Variants in ZNF536 observed in about 807,000 individuals in gnomAD.
ZNF536 encodes zinc finger protein 536.
Under a neutral mutation model 84.5 loss-of-function variants are expected in ZNF536, and 13 were observed. The observed-to-expected ratio is 0.15, with a 90% CI of 0.10 to 0.24. The LOEUF (loss-of-function observed/expected upper bound fraction) is 0.24, where lower values mean the gene tolerates loss of function less well. ZNF536 is among the 10% of genes least tolerant of loss of function. The probability of loss-of-function intolerance (pLI) is 1.00; values close to 1 mark genes in which losing one functional copy is unlikely to be tolerated. For synonymous variants in ZNF536, 811 were observed against 742.5 expected (o/e 1.09, Z -1.50); for missense variants, 1,536 against 1,747.5 (o/e 0.88, Z 2.16).
intron 1 of ZNF536, among the ~76,000 whole-genome samples, chr19:30,400,185 C>A (rs2049990735): frequency 6.6e-6 from 1 of 151,458 alleles, no homozygotes; most frequent in African/African-American, 2.4e-5. Context: ...TTTCTGTGAA[C>A]AATGGCATAC....
intron 1 of ZNF536, among the ~76,000 whole-genome samples, chr19:30,614,452 G>A (rs907881571): frequency 6.6e-6 from 1 of 151,656 alleles, no homozygotes; most frequent in African/African-American, 2.4e-5. Flanking sequence ...AGTGGGGACT[G>A]GGCGGGGGCG....
intron 1 of ZNF536, among the ~76,000 whole-genome samples, chr19:30,680,064 C>G (rs2050904526): frequency 6.6e-6 from 1 of 151,912 alleles, no homozygotes; most frequent in African/African-American, 2.4e-5. Context: ...GTGTGCTGTG[C>G]CCAAAGAGGG....
intron 2 of ZNF536, among the ~76,000 whole-genome samples, chr19:30,502,159 G>T (rs1183545211): frequency 2.0e-5 from 3 of 152,220 alleles, no homozygotes; most frequent in Non-Finnish European, 4.4e-5. Flanking sequence ...ATCAGTCCTA[G>T]GTGTTATGTC....
intron 2 of ZNF536, among the ~76,000 whole-genome samples, chr19:30,497,387 G>C (rs996636380): frequency 6.6e-6 from 1 of 152,214 alleles, no homozygotes; most frequent in African/African-American, 2.4e-5. Context: ...CGCATCCAGT[G>C]TAGATGAGAA....
chr19:30,658,399 C>G (rs2049997751), intron 1 of ZNF536, among the ~76,000 whole-genome samples: 1 of 152,162 alleles, frequency 6.6e-6, no homozygotes, highest in Admixed American at 6.5e-5. Context: ...GCCCAACCTT[C>G]AAGCTCATCT....
intron 1 of ZNF536, among the ~76,000 whole-genome samples, chr19:30,703,179 C>T (rs750583314): frequency 2.6e-5 from 4 of 152,224 alleles, no homozygotes; most frequent in South Asian, 2.1e-4. Flanking sequence ...CAGGGAGGAT[C>T]GAGCAAAGGT....
At chr19:30,657,097 A>G (rs1417247392) in intron 1 of ZNF536, among the ~76,000 whole-genome samples, 1 of 152,064 alleles carries the variant, frequency 6.6e-6, no homozygotes, top group Non-Finnish European at 1.5e-5. Flanking sequence ...ATACACTCAA[A>G]CTATGTCCCT....
At chr19:30,643,876 CT>C in intron 1 of ZNF536, among the ~76,000 whole-genome samples, 1 of 152,234 alleles carries the variant, frequency 6.6e-6, no homozygotes, top group African/African-American at 2.4e-5. Flanking sequence ...AAAAAGATTT[CT>C]TTGCTTTAGA....
chr19:30,693,049 A>T (rs28444457), intron 1 of ZNF536, among the ~76,000 whole-genome samples: 111,441 of 148,998 alleles, frequency 0.75, 42,647 homozygotes, highest in African/African-American at 0.85. Context: ...AGAGAGAGAG[A>T]GTGTGTGTAT....
intron 1 of ZNF536, among the ~76,000 whole-genome samples, chr19:30,582,254 C>T (rs917158171): frequency 6.6e-6 from 1 of 152,106 alleles, no homozygotes; most frequent in Non-Finnish European, 1.5e-5. Context: ...TATAGGGTGC[C>T]TACTGCCAAG....
intron 1 of ZNF536, among the ~76,000 whole-genome samples, chr19:30,666,557 A>AG (rs1431280826): frequency 6.6e-6 from 1 of 151,880 alleles, no homozygotes; most frequent in Non-Finnish European, 1.5e-5. Flanking sequence ...AGGCTTTGAG[A>AG]GGGGGCTTTC....
chr19:30,628,174 C>G (rs2048756314), intron 1 of ZNF536, among the ~76,000 whole-genome samples: 1 of 152,206 alleles, frequency 6.6e-6, no homozygotes, highest in Non-Finnish European at 1.5e-5. Flanking sequence ...ATGAAATGAT[C>G]CGAGCTGGCT....
chr19:30,506,670 C>A (rs972335911), intron 2 of ZNF536, among the ~76,000 whole-genome samples: 5 of 152,188 alleles, frequency 3.3e-5, no homozygotes, highest in African/African-American at 1.2e-4. Flanking sequence ...ATAAACCATC[C>A]TGCAGAGGAG....
intron 1 of ZNF536, among the ~76,000 whole-genome samples, chr19:30,279,718 AG>A (rs1442370899): frequency 1.3e-5 from 2 of 152,150 alleles, no homozygotes; most frequent in Non-Finnish European, 2.9e-5. Context: ...CTCTTGGTAG[AG>A]GGGGTTCCGA....
At chr19:30,279,554 G>A (rs963575952) in intron 1 of ZNF536, among the ~76,000 whole-genome samples, 3 of 152,298 alleles carry the variant, frequency 2.0e-5, no homozygotes, top group East Asian at 1.9e-4. Context: ...GAGGAGCTGC[G>A]GTTTTTTGGT....
chr19:30,434,732 G>A (rs1177272369), intron 1 of ZNF536, among the ~76,000 whole-genome samples: 1 of 151,584 alleles, frequency 6.6e-6, no homozygotes, highest in Non-Finnish European at 1.5e-5. Flanking sequence ...TGGTGGCCAT[G>A]ATAGTGATGA....
intron 4 of ZNF536, among the ~76,000 whole-genome samples, chr19:30,550,987 G>A (rs1012172630): frequency 6.6e-6 from 1 of 151,418 alleles, no homozygotes. Context: ...TAAAAGAAGG[G>A]AAAAAAGCGT....
chr19:30,246,590 C>T (rs936595057), intron 1 of ZNF536, among the ~76,000 whole-genome samples: 15 of 152,190 alleles, frequency 9.9e-5, no homozygotes, highest in African/African-American at 3.6e-4. Context: ...CCCCACCCCA[C>T]AAGAGGTCTG....
At chr19:30,456,955 T>C (rs1042510451) in intron 2 of ZNF536, among the ~76,000 whole-genome samples, 3 of 151,466 alleles carry the variant, frequency 2.0e-5, no homozygotes, top group African/African-American at 4.9e-5. Flanking sequence ...GGCAGGAGAA[T>C]TGCTTGAATC....
Sources: gnomAD v4.1 joint callset for allele counts (sites outside exome capture counted in the v4.1 genomes callset) on GRCh38, gnomAD v4.1.1 for gene constraint, MANE v1.5 for transcripts, NCBI Gene and HGNC (gene_info 2026-07-23, HGNC 2026-07-21) for gene names.